The following ZCCHC17 variants were observed in gnomAD, a reference collection of about 807,000 sequenced individuals.
The protein encoded by ZCCHC17 is zinc finger CCHC-type containing 17, also known as zinc finger CCHC domain-containing protein 17.
A neutral mutation model predicts 30.6 loss-of-function variants in ZCCHC17; 18 were observed. The ratio of observed to expected loss-of-function variants is 0.59; its 90% CI spans 0.41 to 0.87. The LOEUF (loss-of-function observed/expected upper bound fraction) is 0.87. Among genes scored for constraint, ZCCHC17 ranks in the 40% least tolerant of loss-of-function variants. The pLI is 0.00. For missense variants in ZCCHC17, 263 were observed against 284.2 expected (o/e 0.93, Z 0.54); for synonymous variants, 88 against 92.4 (o/e 0.95, Z 0.27).
In ZCCHC17 at chr1:31,310,117, G is replaced by C. The variant is rs1365730655; in HGVS notation, c.19G>C (p.Glu7Gln). The change falls in exon 2 of 8, where the codon GAG (glutamate) becomes CAG (glutamine). Residue 7 changes from glutamate to glutamine, a missense_variant. Glu to Gln is a conservative substitution (Grantham distance 29). Transcript: ENST00000344147. Reference sequence around the variant, plus strand: ...ATTAAGGATGAATTCAGGAAGGCCTGAGACCATGGAAAACTTGCCTGCTCT... The same window carrying C: ...ATTAAGGATGAATTCAGGAAGGCCTCAGACCATGGAAAACTTGCCTGCTCT... Reference protein sequence around the residue: MNSGRPETMENLPALYT... With the variant: MNSGRPQTMENLPALYT... 2 of 1,614,112 alleles carry C rather than the reference G, an allele frequency of 1.2e-6. No homozygotes were observed. Among genetic ancestry groups the C allele is most frequent in the Non-Finnish European group, 1.7e-6 (2 of 1,180,002 alleles).
intron 5 of ZCCHC17, among the ~76,000 whole-genome samples, chr1:31,343,190 G>T (rs1639109846): frequency 6.6e-6 from 1 of 152,158 alleles, no homozygotes; most frequent in Non-Finnish European, 1.5e-5. Flanking sequence ...CTCCTGAGTA[G>T]CTGGGATTAC....
chr1:31,336,270 A>G (rs1638815388), intron 3 of ZCCHC17, among the ~76,000 whole-genome samples: 1 of 152,082 alleles, frequency 6.6e-6, no homozygotes, highest in Admixed American at 6.5e-5. Flanking sequence ...ATGGGGTTTT[A>G]TCATGTTGCC....
chr1:31,302,889 C>A (rs1203949040), intron 1 of ZCCHC17, among the ~76,000 whole-genome samples: 2 of 152,208 alleles, frequency 1.3e-5, no homozygotes, highest in Non-Finnish European at 2.9e-5. Flanking sequence ...CCTCCCCCAA[C>A]ATGTGGGGAT....
chr1:31,318,334 G>T, intron 2 of ZCCHC17: 4 of 1,031,898 alleles, frequency 3.9e-6, no homozygotes, highest in South Asian at 1.6e-5. Context: ...TTGGGGGATG[G>T]GGTAGGCTAC....
intron 3 of ZCCHC17, among the ~76,000 whole-genome samples, chr1:31,330,680 C>T (rs1414532985): frequency 6.6e-6 from 1 of 152,054 alleles, no homozygotes; most frequent in African/African-American, 2.4e-5. Flanking sequence ...ATTTGAATTG[C>T]ACTTCTGTTA....
intron 7 of ZCCHC17, among the ~76,000 whole-genome samples, chr1:31,351,201 A>C (rs1211975590): frequency 6.6e-6 from 1 of 152,162 alleles, no homozygotes; most frequent in Non-Finnish European, 1.5e-5. Flanking sequence ...AACCAATGTC[A>C]TTTATTTTCC....
intron 7 of ZCCHC17, among the ~76,000 whole-genome samples, chr1:31,359,450 C>T (rs752598744): frequency 6.6e-6 from 1 of 151,876 alleles, no homozygotes; most frequent in Admixed American, 6.6e-5. Flanking sequence ...TGCCTGAACC[C>T]AGGAGCCAGA....
At chr1:31,300,876 T>C (rs1448102181) in intron 1 of ZCCHC17, among the ~76,000 whole-genome samples, 1 of 150,392 alleles carries the variant, frequency 6.6e-6, no homozygotes, top group Non-Finnish European at 1.5e-5. Flanking sequence ...GAGGTTGCAG[T>C]GAGCTAAGAT....
intron 3 of ZCCHC17, among the ~76,000 whole-genome samples, chr1:31,321,863 G>A (rs1557435313): frequency 6.6e-6 from 1 of 152,112 alleles, no homozygotes; most frequent in Admixed American, 6.5e-5. Flanking sequence ...TATATGATTT[G>A]CAAAGATTTT....
intron 3 of ZCCHC17, among the ~76,000 whole-genome samples, chr1:31,322,423 G>GA (rs1482811864): frequency 6.6e-6 from 1 of 152,172 alleles, no homozygotes; most frequent in Non-Finnish European, 1.5e-5. Context: ...ACAGAACTCA[G>GA]AAAAATGCTA....
intron 7 of ZCCHC17, among the ~76,000 whole-genome samples, chr1:31,363,434 C>T (rs552435233): frequency 3.3e-5 from 5 of 152,290 alleles, no homozygotes; most frequent in African/African-American, 1.2e-4. Context: ...CCACCTGCCT[C>T]GGCCTCCCAA....
Position 31,361,763 on chromosome 1 carries a change from G to GT in ZCCHC17, c.565-2261dup, listed in dbSNP as rs530508163. Among the ~76,000 whole-genome samples the GT allele has an allele frequency of 2.6e-3, 392 of 151,510 alleles. 1 individual carries two copies. The highest frequency in any genetic ancestry group is 5.0e-3 in the Non-Finnish European group (338 of 67,824). On this transcript the variant is annotated intron_variant, in intron 7 of 7. Transcript: ENST00000344147. ...ATCTCATTAACTTGTCACCATAGGT[G>GT]TTTTTTTTGGGGAGAGGGGGAGATT...
chr1:31,340,394 C>T (rs543247550), intron 5 of ZCCHC17, among the ~76,000 whole-genome samples: 6 of 147,036 alleles, frequency 4.1e-5, no homozygotes, highest in East Asian at 3.9e-4. Flanking sequence ...CTCGGCTCAC[C>T]GCAACCTCCG....
At chr1:31,304,531 GC>G (rs1329586050) in intron 1 of ZCCHC17, among the ~76,000 whole-genome samples, 1 of 151,812 alleles carries the variant, frequency 6.6e-6, no homozygotes, top group African/African-American at 2.4e-5. Flanking sequence ...TGATCCACCC[GC>G]CATGGCCTCC....
At chr1:31,350,891 C>T (rs755521380) in intron 7 of ZCCHC17, among the ~76,000 whole-genome samples, 4 of 152,156 alleles carry the variant, frequency 2.6e-5, no homozygotes, top group East Asian at 1.9e-4. Flanking sequence ...CGTGAGCCTC[C>T]GCGCCTGGCA....
At chr1:31,320,023 AG>A (rs1300699357) in intron 3 of ZCCHC17, among the ~76,000 whole-genome samples, 1 of 152,204 alleles carries the variant, frequency 6.6e-6, no homozygotes, top group Non-Finnish European at 1.5e-5. Context: ...GCTAATACAA[AG>A]GGGGTATTAG....
At chr1:31,363,915 G>A (rs367876469) in intron 7 of ZCCHC17, 117 bp from the exon 8 acceptor site, 5 of 1,428,112 alleles carry the variant, frequency 3.5e-6, no homozygotes, top group East Asian at 4.9e-5. Context: ...CTCCCACCTC[G>A]GCTTCCCAAA....
At chr1:31,344,197 C>G (rs1308218819) in intron 5 of ZCCHC17, among the ~76,000 whole-genome samples, 2 of 151,888 alleles carry the variant, frequency 1.3e-5, no homozygotes, top group Non-Finnish European at 2.9e-5. Flanking sequence ...TGCTGTGTTG[C>G]CCAGGCTGAT....
intron 3 of ZCCHC17, among the ~76,000 whole-genome samples, chr1:31,324,227 A>G (rs1638247650): frequency 6.6e-6 from 1 of 152,228 alleles, no homozygotes; most frequent in Admixed American, 6.5e-5. Context: ...AATTCCAGCT[A>G]CTTGGGAGGC....
Sources: allele counts gnomAD v4.1 joint callset (sites outside exome capture counted in the v4.1 genomes callset), GRCh38; gene constraint gnomAD v4.1.1; transcripts MANE v1.5; gene names NCBI Gene and HGNC (gene_info 2026-07-23, HGNC 2026-07-21).